Variants in TSC22D3 observed in about 807,000 individuals in gnomAD.
The protein encoded by TSC22D3 is TSC22 domain family protein 3.
In TSC22D3, 4 loss-of-function variants were observed where a neutral mutation model predicts 11.1. The ratio of observed to expected loss-of-function variants is 0.36; its 90% CI spans 0.18 to 0.83. The LOEUF (loss-of-function observed/expected upper bound fraction) is 0.83, where lower values mean the gene tolerates loss of function less well. Ranked by LOEUF, TSC22D3 falls within the 40% of genes least tolerant of loss-of-function variation. The probability of loss-of-function intolerance (pLI) is 0.48; values close to 1 mark genes in which losing one functional copy is unlikely to be tolerated. For synonymous variants in TSC22D3, 77 were observed against 70.3 expected, an observed-to-expected ratio of 1.10 and a Z score of -0.48; for missense variants, 118 against 159.4, an observed-to-expected ratio of 0.74 and a Z score of 1.40.
At chrX:107,775,871 T>C (rs1426969936), upstream of TSC22D3, 7 of 117,104 alleles carry the variant, frequency 6.0e-5, no homozygotes, top group African/African-American at 2.3e-4. Context: ...CTCCCCGGTT[T>C]GCAGGCTCTC....
chrX:107,722,033 C>A, intron 1 of TSC22D3: 1 of 356,747 alleles, frequency 2.8e-6, no homozygotes, highest in East Asian at 4.4e-5. Context: ...ATGGAAAATC[C>A]CCAAAGTCCA....
chrX:107,739,450 G>A (rs973188698), intron 1 of TSC22D3, among the ~76,000 whole-genome samples: 2 of 112,527 alleles, frequency 1.8e-5, no homozygotes, highest in African/African-American at 6.5e-5. Flanking sequence ...TGATAAAAAT[G>A]GTCCTTTCCA....
intron 1 of TSC22D3, among the ~76,000 whole-genome samples, chrX:107,730,353 T>G (rs1393441621): frequency 8.9e-6 from 1 of 112,116 alleles, no homozygotes; most frequent in East Asian, 2.8e-4. Context: ...AGGCAGCAAC[T>G]GGAACCTGCA....
At position 107,746,684 on chromosome X, in the gene TSC22D3, C is replaced by T. The variant is rs187941764; in HGVS notation, c.320+28416G>A. Among the ~76,000 whole-genome samples the T allele has an allele frequency of 1.4e-3, 153 of 111,743 alleles. 1 individual carries two copies. Among genetic ancestry groups the T allele is most frequent in the African/African-American group, 4.7e-3 (143 of 30,695 alleles). On this transcript the variant is annotated intron_variant, in intron 1 of 2. Coordinates refer to ENST00000372383, the MANE Select transcript of TSC22D3 (RefSeq NM_198057.3). ...ATACAGCATAACAGCTGTTTTTTTA[C>T]GTACACCCTCATCACTCCTCAAGTC...
intron 1 of TSC22D3, among the ~76,000 whole-genome samples, chrX:107,766,605 G>T (rs1025153753): frequency 1.8e-5 from 2 of 110,081 alleles, no homozygotes; most frequent in Non-Finnish European, 3.8e-5. Flanking sequence ...GGTGATAGTA[G>T]GTTCCTCCCT....
intron 1 of TSC22D3, among the ~76,000 whole-genome samples, chrX:107,763,858 G>A (rs1024149274): frequency 8.9e-6 from 1 of 112,263 alleles, no homozygotes; most frequent in Non-Finnish European, 1.9e-5. Flanking sequence ...GTTACCCCAT[G>A]AGCTTCAAAC....
chrX:107,769,689 A>G (rs1929814939), intron 1 of TSC22D3, among the ~76,000 whole-genome samples: 1 of 106,123 alleles, frequency 9.4e-6, no homozygotes. Flanking sequence ...CAATATATGC[A>G]TATAATACAT....
intron 1 of TSC22D3, among the ~76,000 whole-genome samples, chrX:107,751,172 C>T (rs780095165): frequency 8.9e-6 from 1 of 112,287 alleles, no homozygotes; most frequent in South Asian, 3.7e-4. Flanking sequence ...TCGAAGGAAA[C>T]AAGAGCATTT....
chrX:107,719,553 C>T (rs7892441), intron 1 of TSC22D3, among the ~76,000 whole-genome samples: 1,864 of 112,033 alleles, frequency 0.017, 36 homozygotes, highest in African/African-American at 0.057. Flanking sequence ...GCTACCTTGC[C>T]CAAGGCGGCA....
chrX:107,754,121 A>G (rs1929064042), intron 1 of TSC22D3, among the ~76,000 whole-genome samples: 1 of 110,240 alleles, frequency 9.1e-6, no homozygotes, highest in Non-Finnish European at 1.9e-5. Flanking sequence ...GGATTTCACT[A>G]TGTTGGCCAT....
intron 1 of TSC22D3, among the ~76,000 whole-genome samples, chrX:107,753,528 C>T (rs1929034605): frequency 9.0e-6 from 1 of 111,413 alleles, no homozygotes. Flanking sequence ...ATACAGCCAT[C>T]AGGTTATAGT....
intron 1 of TSC22D3, among the ~76,000 whole-genome samples, chrX:107,748,816 C>T (rs1928794214): frequency 1.8e-5 from 2 of 112,320 alleles, no homozygotes; most frequent in Middle Eastern, 4.6e-3. Context: ...TTGTCAAGTG[C>T]TATGCAAATG....
intron 1 of TSC22D3, among the ~76,000 whole-genome samples, chrX:107,745,891 C>A (rs1928626967): frequency 8.9e-6 from 1 of 112,356 alleles, no homozygotes; most frequent in African/African-American, 3.2e-5. Flanking sequence ...CTTATTTTCA[C>A]AGAATAAGAG....
rs191754921 is a variant in TSC22D3, at chrX:107,763,077, G to A, written c.320+12023C>T. On this transcript the variant is annotated intron_variant, in intron 1 of 2. Coordinates refer to ENST00000372383, the MANE Select transcript of TSC22D3 (RefSeq NM_198057.3). ...TCTCCATGTTGGCCAGGCTGGTCTCGAACTCTTGACCTCATGATCCACCAG... is the reference window on the plus strand; with the variant it reads ...TCTCCATGTTGGCCAGGCTGGTCTCAAACTCTTGACCTCATGATCCACCAG... Among the ~76,000 whole-genome samples the A allele has an allele frequency of 6.4e-5, 7 of 109,931 alleles. No homozygotes were observed. In the East Asian group the frequency reaches 1.7e-3, roughly 27 times the overall value.
chrX:107,769,455 A>C (rs764841730), intron 1 of TSC22D3, among the ~76,000 whole-genome samples: 43 of 111,575 alleles, frequency 3.9e-4, no homozygotes, highest in Non-Finnish European at 7.7e-4. Flanking sequence ...CAGAAAGTAG[A>C]ATAGAGGTTA....
intron 1 of TSC22D3, among the ~76,000 whole-genome samples, chrX:107,769,462 G>T (rs1260938876): frequency 2.7e-5 from 3 of 111,342 alleles, no homozygotes; most frequent in Non-Finnish European, 5.6e-5. Flanking sequence ...TAGAATAGAG[G>T]TTACCAGGGG....
intron 1 of TSC22D3, among the ~76,000 whole-genome samples, chrX:107,723,333 C>T (rs1260314931): frequency 8.9e-6 from 1 of 112,590 alleles, no homozygotes; most frequent in Non-Finnish European, 1.9e-5. Flanking sequence ...CAGGTATTTG[C>T]TTTCTGAGTT....
At chrX:107,743,871 A>T (rs1364678001) in intron 1 of TSC22D3, among the ~76,000 whole-genome samples, 1 of 110,480 alleles carries the variant, frequency 9.1e-6, no homozygotes, top group Non-Finnish European at 1.9e-5. Context: ...AGCCTTTACC[A>T]CTCCTTTGGG....
chrX:107,759,522 A>G (rs999480321), intron 1 of TSC22D3, among the ~76,000 whole-genome samples: 6 of 112,247 alleles, frequency 5.3e-5, no homozygotes, highest in African/African-American at 1.9e-4. Flanking sequence ...GATTGGTGGC[A>G]AAGTCTGGAC....
Sources: allele counts gnomAD v4.1 joint callset (sites outside exome capture counted in the v4.1 genomes callset), GRCh38; gene constraint gnomAD v4.1.1; transcripts MANE v1.5; gene names NCBI Gene and HGNC (gene_info 2026-07-23, HGNC 2026-07-21).